Variants in MSRA observed in about 807,000 individuals in gnomAD.
MSRA encodes mitochondrial peptide methionine sulfoxide reductase.
MSRA carries 54 observed loss-of-function variants against 31.3 expected under a neutral mutation model. The ratio of observed to expected loss-of-function variants is 1.73; its 90% confidence interval spans 1.39 to 2.17. The LOEUF is 2.17. Among genes scored for constraint, MSRA ranks in the 30% most tolerant of loss-of-function variants. The pLI, the probability that MSRA is intolerant of heterozygous loss-of-function variation, is 0.00. For missense variants in MSRA, 507 were observed against 300.9 expected (o/e 1.69, Z -5.07); for synonymous variants, 169 against 116.5 (o/e 1.45, Z -2.90).
intron 1 of MSRA, among the ~76,000 whole-genome samples, chr8:10,093,641 A>G (rs1798967984): frequency 6.6e-6 from 1 of 152,188 alleles, no homozygotes. Flanking sequence ...AAATTAAACT[A>G]TGTTACATTT....
chr8:10,392,000 T>C (rs901308598), intron 5 of MSRA, among the ~76,000 whole-genome samples: 3 of 152,178 alleles, frequency 2.0e-5, no homozygotes, highest in East Asian at 1.9e-4. Context: ...CAGACTCTTA[T>C]ATTTGAAAGA....
intron 2 of MSRA, among the ~76,000 whole-genome samples, chr8:10,241,024 C>G (rs1247672587): frequency 1.3e-5 from 2 of 152,080 alleles, no homozygotes; most frequent in Admixed American, 1.3e-4. Flanking sequence ...TCCCGATGTA[C>G]AACTTCCTCT....
At chr8:10,076,643 T>C (rs976191482) in intron 1 of MSRA, among the ~76,000 whole-genome samples, 2 of 152,132 alleles carry the variant, frequency 1.3e-5, no homozygotes. Context: ...TGCGGGGCAG[T>C]GAGCTCCCTT....
At chr8:10,094,462 A>G (rs1050926505) in intron 1 of MSRA, among the ~76,000 whole-genome samples, 1 of 152,246 alleles carries the variant, frequency 6.6e-6, no homozygotes, top group African/African-American at 2.4e-5. Context: ...GAAGGTATCT[A>G]TGTGCATAAA....
chr8:10,188,857 T>C (rs532771128), intron 1 of MSRA, among the ~76,000 whole-genome samples: 38 of 152,356 alleles, frequency 2.5e-4, no homozygotes, highest in African/African-American at 9.1e-4. Flanking sequence ...ATTTTAGGTA[T>C]TTTAATTTTT....
chr8:10,397,348 G>C (rs1246231309), intron 5 of MSRA, among the ~76,000 whole-genome samples: 1 of 152,202 alleles, frequency 6.6e-6, no homozygotes, highest in Non-Finnish European at 1.5e-5. Context: ...AATGTTGCTT[G>C]GGTTGAGCTC....
chr8:10,326,390 G>C (rs1026328426), intron 5 of MSRA: 1 of 152,202 alleles, frequency 6.6e-6, no homozygotes, highest in Non-Finnish European at 1.5e-5. Flanking sequence ...CTGCAAAGTT[G>C]GCTGGGTTGT....
At chr8:10,115,174 G>A (rs1800586708) in intron 1 of MSRA, among the ~76,000 whole-genome samples, 3 of 152,208 alleles carry the variant, frequency 2.0e-5, no homozygotes, top group South Asian at 4.1e-4. Context: ...TGTCAAAAAT[G>A]TAAAGTTATA....
rs945925619 is a variant in MSRA, at chr8:10,065,031, A to G, written c.142+10373A>G. Among the ~76,000 whole-genome samples the G allele has an allele frequency of 1.5e-4, 23 of 152,092 alleles. 1 individual carries two copies. On this transcript the variant is annotated intron_variant, in intron 1 of 5. Coordinates refer to ENST00000317173, the MANE Select transcript of MSRA (RefSeq NM_012331.5). ...CACAGAGCCCCCGAGAAGGCATTGC[A>G]TTGCTGAAAACTCCATTGCCTTACC...
intron 2 of MSRA, among the ~76,000 whole-genome samples, chr8:10,240,744 C>G (rs1812337536): frequency 6.6e-6 from 1 of 152,122 alleles, no homozygotes; most frequent in Non-Finnish European, 1.5e-5. Context: ...CCCTGTCTTT[C>G]CTGGCCACTC....
intron 1 of MSRA, among the ~76,000 whole-genome samples, chr8:10,116,938 C>G (rs937067560): frequency 6.6e-6 from 1 of 152,140 alleles, no homozygotes; most frequent in African/African-American, 2.4e-5. Flanking sequence ...TGCACTCTAG[C>G]CTGGGCAACA....
chr8:10,079,201 C>T (rs548365265), intron 1 of MSRA, among the ~76,000 whole-genome samples: 1 of 152,222 alleles, frequency 6.6e-6, no homozygotes, highest in Non-Finnish European at 1.5e-5. Flanking sequence ...CTTTGTGGGC[C>T]AGGCTGGAGT....
chr8:10,389,079 C>T (rs1056684513), intron 5 of MSRA, among the ~76,000 whole-genome samples: 1 of 152,122 alleles, frequency 6.6e-6, no homozygotes, highest in African/African-American at 2.4e-5. Context: ...AAGGTCATCA[C>T]CAAGGTCTGA....
intron 1 of MSRA, among the ~76,000 whole-genome samples, chr8:10,120,053 A>C (rs544793640): frequency 6.6e-6 from 1 of 152,072 alleles, no homozygotes; most frequent in Non-Finnish European, 1.5e-5. Context: ...GCCACTGCCA[A>C]ACTGTGGAAA....
intron 1 of MSRA, among the ~76,000 whole-genome samples, chr8:10,182,696 T>G (rs1040227030): frequency 3.3e-5 from 5 of 152,196 alleles, no homozygotes; most frequent in African/African-American, 1.2e-4. Context: ...CAAGAGCCAT[T>G]GGGCTCAGGG....
intron 3 of MSRA, among the ~76,000 whole-genome samples, chr8:10,291,393 A>G (rs1156283196): frequency 7.2e-6 from 1 of 138,396 alleles, no homozygotes; most frequent in Non-Finnish European, 1.5e-5. Flanking sequence ...CTCGTCGGAC[A>G]CTTTAAGTGA....
chr8:10,151,604 C>T (rs1035671399), intron 1 of MSRA, among the ~76,000 whole-genome samples: 6 of 151,306 alleles, frequency 4.0e-5, no homozygotes, highest in Non-Finnish European at 8.8e-5. Context: ...GAGCCCAGAT[C>T]GCGCCACTGC....
At chr8:10,114,150 C>G (rs1316887416) in intron 1 of MSRA, among the ~76,000 whole-genome samples, 1 of 152,132 alleles carries the variant, frequency 6.6e-6, no homozygotes, top group East Asian at 1.9e-4. Context: ...TATTCCATTC[C>G]TTTTATGGCT....
intron 5 of MSRA, among the ~76,000 whole-genome samples, chr8:10,418,097 T>C (rs1224768885): frequency 6.6e-6 from 1 of 152,140 alleles, no homozygotes; most frequent in Non-Finnish European, 1.5e-5. Flanking sequence ...AGGAAACTAA[T>C]TTCATACCAC....
Sources: allele counts gnomAD v4.1 joint callset (sites outside exome capture counted in the v4.1 genomes callset), GRCh38; gene constraint gnomAD v4.1.1; transcripts MANE v1.5; gene names NCBI Gene and HGNC (gene_info 2026-07-23, HGNC 2026-07-21).